Variants in CNTNAP2 observed in about 807,000 individuals in gnomAD.
The protein encoded by CNTNAP2 is contactin associated protein 2.
A neutral mutation model predicts 155.2 loss-of-function variants in CNTNAP2; 98 were observed. The ratio of observed to expected loss-of-function variants is 0.63; its 90% CI spans 0.54 to 0.75. The LOEUF (loss-of-function observed/expected upper bound fraction) is 0.75. Ranked by LOEUF, CNTNAP2 falls within the 30% of genes least tolerant of loss-of-function variation. CNTNAP2 has a pLI of 0.00. For missense variants in CNTNAP2, 1,727 were observed against 1,688.1 expected (o/e 1.02, Z -0.40); for synonymous variants, 651 against 631.2 (o/e 1.03, Z -0.47).
chr7:147,013,956 C>T (rs1024529066), intron 3 of CNTNAP2, among the ~76,000 whole-genome samples: 1 of 152,088 alleles, frequency 6.6e-6, no homozygotes, highest in African/African-American at 2.4e-5. Flanking sequence ...ATGAAAGATG[C>T]AAGGTAAAAA....
At chr7:146,700,391 G>C (rs990861235) in intron 1 of CNTNAP2, among the ~76,000 whole-genome samples, 30 of 152,070 alleles carry the variant, frequency 2.0e-4, no homozygotes, top group Admixed American at 1.1e-3. Context: ...GGACCAGAGT[G>C]ATGATTTCTA....
chr7:147,569,863 G>A (rs1353346352), intron 12 of CNTNAP2, among the ~76,000 whole-genome samples: 1 of 152,228 alleles, frequency 6.6e-6, no homozygotes, highest in African/African-American at 2.4e-5. Flanking sequence ...TGAGACCAAG[G>A]TGTCACCCAG....
rs1011329549 is a variant in CNTNAP2 at position 146,244,926 on chromosome 7, G to C, written c.97+127953G>C. Among the ~76,000 whole-genome samples the C allele has an allele frequency of 2.5e-4, 38 of 151,988 alleles. 1 individual carries two copies. The highest frequency in any genetic ancestry group is 1.1e-3 in the Admixed American group (17 of 15,276). On this transcript the variant is annotated intron_variant, in intron 1 of 23. Coordinates refer to ENST00000361727, the MANE Select transcript of CNTNAP2 (RefSeq NM_014141.6). ...CAGTCCTGGGTGGGGGCAAATCCTC[G>C]AGCTTGATGTGTAGGGAAGGGAGGG...
intron 18 of CNTNAP2, among the ~76,000 whole-genome samples, chr7:148,175,106 A>G (rs2116695046): frequency 6.6e-6 from 1 of 152,316 alleles, no homozygotes; most frequent in Middle Eastern, 3.4e-3. Flanking sequence ...TTACAGCTGC[A>G]TAGTATTCCA....
chr7:148,042,578 GT>G (rs1189200273), intron 15 of CNTNAP2, among the ~76,000 whole-genome samples: 2 of 152,272 alleles, frequency 1.3e-5, no homozygotes, highest in African/African-American at 4.8e-5. Context: ...TCTACCCTCT[GT>G]TGTTTTTCCT....
At chr7:146,181,452 G>A (rs1419804328) in intron 1 of CNTNAP2, among the ~76,000 whole-genome samples, 1 of 152,142 alleles carries the variant, frequency 6.6e-6, no homozygotes, top group Non-Finnish European at 1.5e-5. Flanking sequence ...ACAAGGCTTA[G>A]CATATAGTAA....
chr7:146,226,017 C>T (rs1799286949), intron 1 of CNTNAP2, among the ~76,000 whole-genome samples: 2 of 152,158 alleles, frequency 1.3e-5, no homozygotes, highest in African/African-American at 4.8e-5. Flanking sequence ...TGAAGATTGG[C>T]TACAAAGAAT....
intron 1 of CNTNAP2, among the ~76,000 whole-genome samples, chr7:146,344,858 G>A (rs10227977): frequency 0.12 from 18,293 of 152,114 alleles, 2,056 homozygotes; most frequent in African/African-American, 0.3. Context: ...AGAACATTTA[G>A]AGAAAACACC....
intron 1 of CNTNAP2, among the ~76,000 whole-genome samples, chr7:146,480,515 T>G (rs1218046498): frequency 6.6e-6 from 1 of 151,886 alleles, no homozygotes; most frequent in Non-Finnish European, 1.5e-5. Context: ...TTTATGGTGA[T>G]CTATTCATAA....
intron 1 of CNTNAP2, among the ~76,000 whole-genome samples, chr7:146,681,906 CTCTA>C (rs1481604419): frequency 1.3e-5 from 2 of 152,174 alleles, no homozygotes; most frequent in African/African-American, 2.4e-5. Flanking sequence ...TATTCATCAT[CTCTA>C]TCTAAGTATT....
At chr7:147,670,209 G>A (rs1449835841) in intron 13 of CNTNAP2, among the ~76,000 whole-genome samples, 2 of 152,014 alleles carry the variant, frequency 1.3e-5, no homozygotes, top group African/African-American at 4.8e-5. Context: ...AAATTTCCGG[G>A]TTCTTGAGTC....
intron 15 of CNTNAP2, among the ~76,000 whole-genome samples, chr7:148,069,661 G>A (rs1803343177): frequency 6.6e-6 from 1 of 151,500 alleles, no homozygotes. Flanking sequence ...TCGGGAGGCT[G>A]AGACAGGAGA....
intron 1 of CNTNAP2, among the ~76,000 whole-genome samples, chr7:146,200,027 G>A (rs112567269): frequency 5.3e-5 from 8 of 152,272 alleles, no homozygotes; most frequent in African/African-American, 1.9e-4. Flanking sequence ...CTCAATTTAT[G>A]AGTGACAGCT....
At chr7:147,470,745 A>G (rs1584753493) in intron 10 of CNTNAP2, among the ~76,000 whole-genome samples, 1 of 151,996 alleles carries the variant, frequency 6.6e-6, no homozygotes, top group African/African-American at 2.4e-5. Flanking sequence ...AATATGCTTT[A>G]TTTATTTATT....
chr7:147,749,498 A>C (rs1029776089), intron 13 of CNTNAP2, among the ~76,000 whole-genome samples: 3 of 152,180 alleles, frequency 2.0e-5, no homozygotes, highest in African/African-American at 7.2e-5. Flanking sequence ...CATATAAAAG[A>C]TTTTGGTGTG....
rs148774101 is a variant in CNTNAP2, at chr7:147,497,411, A to G, written c.1777+11370A>G. 8.9e-3 allele frequency among the ~76,000 whole-genome samples: 1,355 copies of G among 152,280 alleles called. 19 individuals are homozygous for G. Among genetic ancestry groups the G allele is most frequent in the African/African-American group, 0.03 (1,260 of 41,548 alleles). On this transcript the variant is annotated intron_variant, in intron 11 of 23. Coordinates refer to ENST00000361727, the MANE Select transcript of CNTNAP2 (RefSeq NM_014141.6). ...CTGTCATTTCTCATTAGCAGGCATC[A>G]AAATGTCCTAATACTCTCTGCCACT...
intron 16 of CNTNAP2, among the ~76,000 whole-genome samples, chr7:148,124,535 G>T (rs147966058): frequency 8.1e-4 from 124 of 152,220 alleles, no homozygotes; most frequent in Non-Finnish European, 1.3e-3. Context: ...GCTGGGAGGC[G>T]CTGGGGAAGC....
intron 1 of CNTNAP2, among the ~76,000 whole-genome samples, chr7:146,721,505 C>A (rs1801313797): frequency 8.2e-6 from 1 of 122,240 alleles, no homozygotes; most frequent in South Asian, 2.5e-4. Context: ...TATATATATT[C>A]TATATATACA....
intron 1 of CNTNAP2, among the ~76,000 whole-genome samples, chr7:146,671,990 AT>A (rs1800317245): frequency 6.6e-6 from 1 of 151,764 alleles, no homozygotes; most frequent in African/African-American, 2.4e-5. Context: ...TAATTTTTGT[AT>A]TTTTAGTAGA....
Sources: allele counts gnomAD v4.1 joint callset (sites outside exome capture counted in the v4.1 genomes callset), GRCh38; gene constraint gnomAD v4.1.1; transcripts MANE v1.5; gene names NCBI Gene and HGNC (gene_info 2026-07-23, HGNC 2026-07-21).